Variants in GALNT13 observed in about 807,000 individuals in gnomAD.
GALNT13 encodes the protein UDP-GalNAc:polypeptide N-acetylgalactosaminyltransferase 13.
Under a neutral mutation model 64.2 loss-of-function variants are expected in GALNT13, and 28 were observed. That is an observed-to-expected ratio of 0.44 (90% CI 0.32 to 0.60). GALNT13 has a LOEUF of 0.60. Ranked by LOEUF, GALNT13 falls within the 20% of genes least tolerant of loss-of-function variation. GALNT13 has a pLI of 0.05. For missense variants in GALNT13, 577 were observed against 669.8 expected (o/e 0.86, Z 1.53); for synonymous variants, 214 against 224.6 (o/e 0.95, Z 0.42).
At chr2:153,126,422 T>C in the GALNT13 span, among the ~76,000 whole-genome samples, 6 of 151,248 alleles carry the variant, frequency 4.0e-5, no homozygotes, top group Admixed American at 1.3e-4. Context: ...AACAATGCTC[T>C]ACTTCTAACA....
the GALNT13 span, among the ~76,000 whole-genome samples, chr2:153,094,397 C>G: frequency 6.6e-6 from 1 of 152,098 alleles, no homozygotes; most frequent in Non-Finnish European, 1.5e-5. Flanking sequence ...AGGACACAAA[C>G]AAATGGAAGA....
chr2:153,147,157 A>G, the GALNT13 span, among the ~76,000 whole-genome samples: 3 of 80,502 alleles, frequency 3.7e-5, no homozygotes, highest in Non-Finnish European at 8.2e-5. Context: ...GGCAAAAAAG[A>G]AAAAAAAAGA....
At chr2:153,921,541 A>G (rs1689757363) in intron 2 of GALNT13, among the ~76,000 whole-genome samples, 1 of 152,106 alleles carries the variant, frequency 6.6e-6, no homozygotes, top group Admixed American at 6.6e-5. Context: ...TGATGAAATA[A>G]TCTGTACACC....
the GALNT13 span, among the ~76,000 whole-genome samples, chr2:153,387,170 TC>T: frequency 6.6e-6 from 1 of 152,120 alleles, no homozygotes; most frequent in Non-Finnish European, 1.5e-5. Flanking sequence ...CATATTTTTT[TC>T]TAAGACAATG....
chr2:154,197,299 T>C (rs1315910931), intron 4 of GALNT13, among the ~76,000 whole-genome samples: 1 of 151,994 alleles, frequency 6.6e-6, no homozygotes, highest in Non-Finnish European at 1.5e-5. Context: ...GTAAAATATA[T>C]AAAAGAAAGG....
intron 3 of GALNT13, among the ~76,000 whole-genome samples, chr2:154,104,116 A>T (rs548114872): frequency 9.5e-5 from 14 of 146,664 alleles, no homozygotes; most frequent in Admixed American, 8.4e-4. Flanking sequence ...CTTCTCTATC[A>T]TGCTCCTGTA....
At chr2:153,602,952 A>G in the GALNT13 span, among the ~76,000 whole-genome samples, 11 of 151,904 alleles carry the variant, frequency 7.2e-5, no homozygotes, top group Non-Finnish European at 1.0e-4. Flanking sequence ...ATTCAACACA[A>G]CTTGATTGCA....
chr2:153,503,875 T>C, the GALNT13 span, among the ~76,000 whole-genome samples: 1 of 152,182 alleles, frequency 6.6e-6, no homozygotes, highest in African/African-American at 2.4e-5. Context: ...CAGGCTTTTT[T>C]GGTTGCATAT....
chr2:154,218,102 A>G (rs896997296), intron 4 of GALNT13, among the ~76,000 whole-genome samples: 4 of 152,180 alleles, frequency 2.6e-5, no homozygotes, highest in African/African-American at 9.6e-5. Context: ...AATAATATCA[A>G]TTTGACAAAA....
chr2:153,117,131 C>T, the GALNT13 span, among the ~76,000 whole-genome samples: 6 of 151,934 alleles, frequency 3.9e-5, no homozygotes, highest in Non-Finnish European at 8.8e-5. Flanking sequence ...GAAAAACCAG[C>T]CTCATTATTT....
At chr2:153,316,338 A>T in the GALNT13 span, among the ~76,000 whole-genome samples, 1 of 152,140 alleles carries the variant, frequency 6.6e-6, no homozygotes, top group African/African-American at 2.4e-5. Flanking sequence ...TAATTTTTTT[A>T]AACGTCTAAA....
intron 9 of GALNT13, among the ~76,000 whole-genome samples, chr2:154,353,195 G>T (rs1029744558): frequency 2.6e-5 from 4 of 151,978 alleles, no homozygotes; most frequent in South Asian, 2.1e-4. Flanking sequence ...TAGGCTTTTT[G>T]TCAATTTAAA....
At chr2:153,588,789 G>T in the GALNT13 span, among the ~76,000 whole-genome samples, 1 of 152,196 alleles carries the variant, frequency 6.6e-6, no homozygotes, top group African/African-American at 2.4e-5. Context: ...CAAATTTTCT[G>T]AACTTTTATG....
At chr2:154,250,717 G>A (rs375168447) in intron 7 of GALNT13, among the ~76,000 whole-genome samples, 3 of 151,868 alleles carry the variant, frequency 2.0e-5, no homozygotes, top group Non-Finnish European at 4.4e-5. Flanking sequence ...CTTATATTTA[G>A]TAGTAACAAA....
chr2:153,513,793 C>T, the GALNT13 span, among the ~76,000 whole-genome samples: 17 of 152,250 alleles, frequency 1.1e-4, no homozygotes, highest in African/African-American at 3.6e-4. Flanking sequence ...TTTCCTAACC[C>T]GGAAGACACT....
intron 3 of GALNT13, among the ~76,000 whole-genome samples, chr2:154,134,996 C>T (rs546584896): frequency 6.6e-6 from 1 of 152,234 alleles, no homozygotes; most frequent in East Asian, 1.9e-4. Flanking sequence ...AAAAAACAAA[C>T]AAACAACAAA....
chr2:153,396,463 T>C, the GALNT13 span, among the ~76,000 whole-genome samples: 36 of 152,110 alleles, frequency 2.4e-4, no homozygotes, highest in African/African-American at 8.2e-4. Context: ...TGAGATTAAT[T>C]AGAGAGCACT....
rs562358580 is a variant in GALNT13 at position 153,923,096 on chromosome 2, C to T, written c.-104-21298C>T. Among the ~76,000 whole-genome samples the T allele has an allele frequency of 4.6e-5, 7 of 152,078 alleles. No individual in the cohort carries two copies. The South Asian group carries it at 1.5e-3, about 32-fold the overall frequency. ...TGTATTTTTGATAGAGACTGGGTTTCACTATGTTCACCAGGCTGGTCTCAA... is the reference window on the plus strand; with the variant it reads ...TGTATTTTTGATAGAGACTGGGTTTTACTATGTTCACCAGGCTGGTCTCAA... On this transcript the variant is annotated intron_variant, in intron 2 of 12. Coordinates refer to ENST00000392825, the MANE Select transcript of GALNT13 (RefSeq NM_052917.4).
the GALNT13 span, chr2:153,478,446 G>A: frequency 1.2e-6 from 2 of 1,613,760 alleles, no homozygotes; most frequent in Admixed American, 1.7e-5. Flanking sequence ...CCTCCGCGAA[G>A]CCGTCGTCGG....
Sources: gnomAD v4.1 joint callset for allele counts (sites outside exome capture counted in the v4.1 genomes callset) on GRCh38, gnomAD v4.1.1 for gene constraint, MANE v1.5 for transcripts, NCBI Gene and HGNC (gene_info 2026-07-23, HGNC 2026-07-21) for gene names.